Variants in ZNF490 observed in about 807,000 individuals in gnomAD.
ZNF490 encodes the protein zinc finger protein 490.
A neutral mutation model predicts 17.7 loss-of-function variants in ZNF490; 11 were observed. That is an observed-to-expected ratio of 0.62 (90% CI 0.39 to 1.03). ZNF490 has a LOEUF of 1.03. ZNF490 is among the 50% of genes least tolerant of loss of function. The probability of loss-of-function intolerance (pLI) is 0.00; values close to 1 mark genes in which losing one functional copy is unlikely to be tolerated. For missense variants in ZNF490, 542 were observed against 643.4 expected, an observed-to-expected ratio of 0.84 and a Z score of 1.71; for synonymous variants, 222 against 216.1, an observed-to-expected ratio of 1.03 and a Z score of -0.24.
At position 12,576,589 on chromosome 19, in the gene ZNF490, G is replaced by A. The variant is rs933460085; in HGVS notation, c.*3896C>T. ...CAGCACTTTGGGGAGACCGAGGTGG[G>A]TGGATCACAAGGTCAGGAGATTGAG... On this transcript the variant is annotated 3_prime_UTR_variant, in exon 5 of 5. Coordinates refer to ENST00000311437, the MANE Select transcript of ZNF490 (RefSeq NM_020714.3). 1.3e-5 allele frequency among the ~76,000 whole-genome samples: 2 copies of A among 151,648 alleles called. No individual in the cohort carries two copies. The highest frequency in any genetic ancestry group is 2.4e-5 in the African/African-American group (1 of 41,244).
At chr19:12,585,015 G>A (rs1421179704) in intron 2 of ZNF490, among the ~76,000 whole-genome samples, 1 of 93,794 alleles carries the variant, frequency 1.1e-5, no homozygotes, top group Non-Finnish European at 2.9e-5. Flanking sequence ...CTCAGGCAAA[G>A]CTGTGTAACT....
intron 2 of ZNF490, among the ~76,000 whole-genome samples, chr19:12,606,859 A>G (rs1165098713): frequency 2.0e-5 from 3 of 152,234 alleles, no homozygotes; most frequent in Non-Finnish European, 2.9e-5. Flanking sequence ...TAAAGAACAA[A>G]TAAAATCCCA....
chr19:12,590,934 A>AT (rs1555700629), intron 2 of ZNF490, among the ~76,000 whole-genome samples: 10 of 151,428 alleles, frequency 6.6e-5, no homozygotes, highest in African/African-American at 2.2e-4. Flanking sequence ...AAAAAAAAAA[A>AT]TTTTTTTTAA....
Position 12,576,799 on chromosome 19 carries a change from G to GT in ZNF490, c.*3685dup, listed in dbSNP as rs2022643719. Among the ~76,000 whole-genome samples, 1 of 122,102 alleles carries GT rather than the reference G, an allele frequency of 8.2e-6. No homozygotes were observed. The highest frequency in any genetic ancestry group is 1.6e-5 in the Non-Finnish European group (1 of 62,178). 80.1% of individuals were successfully genotyped at this position (122,102 alleles called of 152,430 possible). A position where few individuals can be genotyped will look rare whatever the true frequency, so the allele number is the denominator to read the frequency against. ...GCCACTGCACTCCAGCCTGGCAACA[G>GT]TGAGAATCCATCTCAAAAAAAAAAA... is the stretch of plus-strand genomic sequence containing the variant. On this transcript the variant is annotated 3_prime_UTR_variant, in exon 5 of 5. Coordinates refer to ENST00000311437, the MANE Select transcript of ZNF490 (RefSeq NM_020714.3).
chr19:12,610,070 A>G, intron 1 of ZNF490: 1 of 413,870 alleles, frequency 2.4e-6, no homozygotes, highest in South Asian at 1.8e-5. Context: ...ATTTCCTTCC[A>G]GAGTAAAACG....
chr19:12,588,560 GA>G (rs559858740), intron 2 of ZNF490, among the ~76,000 whole-genome samples: 86 of 152,254 alleles, frequency 5.6e-4, no homozygotes, highest in African/African-American at 2.0e-3. Context: ...TTAATTTAGA[GA>G]TCCAGCAGGC....
At chr19:12,609,829 A>C (rs2023122068) in intron 1 of ZNF490, 1 of 415,662 alleles carries the variant, frequency 2.4e-6, no homozygotes, top group Admixed American at 3.1e-5. Flanking sequence ...GGAGATGCCA[A>C]TAGGTTGGAC....
At chr19:12,605,316 T>C (rs990828312) in intron 2 of ZNF490, among the ~76,000 whole-genome samples, 16 of 152,004 alleles carry the variant, frequency 1.1e-4, no homozygotes, top group Non-Finnish European at 1.8e-4. Flanking sequence ...ACCCTAACTT[T>C]ACAAAAAATA....
rs2145135347 is a variant in ZNF490, at chr19:12,578,043, C to T, written c.*2442G>A. 1.0e-6 allele frequency: 1 copy of T among 985,394 alleles called. No homozygotes were observed. Among genetic ancestry groups the T allele is most frequent in the Middle Eastern group, 5.2e-4 (1 of 1,914 alleles). 61.0% of individuals were successfully genotyped at this position (985,394 alleles called of 1,614,324 possible). ...TAGTTCCATGGCTTGTGAACCCTGA[C>T]ACCAGCACCTCCCATACACAACAGA... On this transcript the variant is annotated 3_prime_UTR_variant, in exon 5 of 5. Transcript: ENST00000311437.
chr19:12,594,876 C>G (rs1377713055), intron 2 of ZNF490, among the ~76,000 whole-genome samples: 2 of 152,176 alleles, frequency 1.3e-5, no homozygotes, highest in African/African-American at 4.8e-5. Flanking sequence ...TTAGTGGGAT[C>G]TCCAGATATA....
At chr19:12,593,776 T>C (rs1436017981) in intron 2 of ZNF490, among the ~76,000 whole-genome samples, 1 of 152,112 alleles carries the variant, frequency 6.6e-6, no homozygotes. Context: ...GTCTACACAC[T>C]CGCCACTGCT....
intron 2 of ZNF490, among the ~76,000 whole-genome samples, chr19:12,603,805 G>T (rs2145165802): frequency 7.0e-6 from 1 of 143,046 alleles, no homozygotes; most frequent in African/African-American, 2.6e-5. Flanking sequence ...AAAAAAAAAT[G>T]GCCTTTTGTA....
At chr19:12,596,186 A>G (rs563004303) in intron 2 of ZNF490, among the ~76,000 whole-genome samples, 120 of 141,628 alleles carry the variant, frequency 8.5e-4, no homozygotes, top group Middle Eastern at 9.3e-3. Flanking sequence ...AGTTGCTTCA[A>G]CCTGGGAGGC....
chr19:12,578,551 A>C lies in ZNF490; in HGVS notation c.*1934T>G. Reference sequence around the variant, plus strand: ...GGAAATGGAGCTGGAGATGACCTCAAAACAGCCCTGGAATAATGCAATGCT... The same window carrying C: ...GGAAATGGAGCTGGAGATGACCTCACAACAGCCCTGGAATAATGCAATGCT... On this transcript the variant is annotated 3_prime_UTR_variant, in exon 5 of 5. Coordinates refer to ENST00000311437, the MANE Select transcript of ZNF490 (RefSeq NM_020714.3). The C allele has an allele frequency of 3.0e-6, 3 of 985,482 alleles. No homozygotes were observed. The allele number at this position is 985,482 out of a possible 1,614,324, so 61.0% of individuals were successfully genotyped here. A position where few individuals can be genotyped will look rare whatever the true frequency, so the allele number is the denominator to read the frequency against.
At chr19:12,606,343 C>CTTT (rs35743660) in intron 2 of ZNF490, among the ~76,000 whole-genome samples, 4 of 121,674 alleles carry the variant, frequency 3.3e-5, no homozygotes, top group Admixed American at 8.3e-5. Context: ...CTGGGTAATT[C>CTTT]TTTTTTTTTT....
intron 4 of ZNF490, 128 bp downstream of exon 4, chr19:12,582,722 C>T: frequency 2.3e-6 from 2 of 853,218 alleles, no homozygotes; most frequent in Non-Finnish European, 3.9e-6. Context: ...GAAACACCTT[C>T]AGTAAAAATT....
intron 2 of ZNF490, among the ~76,000 whole-genome samples, chr19:12,599,139 C>CAAAAAAAAATAGAAAAAAAAAAA (rs2022971343): frequency 1.5e-5 from 1 of 68,632 alleles, no homozygotes; most frequent in Non-Finnish European, 2.4e-5. Context: ...GACTCTGTCT[C>CAAAAAAAAATAGAAAAAAAAAAA]AAAAAAAAAA....
chr19:12,583,000 G>C (rs1475100013), intron 3 of ZNF490, 90 bp from the exon 4 acceptor site: 6 of 1,069,172 alleles, frequency 5.6e-6, no homozygotes, highest in Non-Finnish European at 8.3e-6. Flanking sequence ...CTATTGATTA[G>C]CTATGACACT....
intron 2 of ZNF490, among the ~76,000 whole-genome samples, chr19:12,583,811 A>ATTTTTTTTTT (rs879747918): frequency 1.3e-5 from 1 of 78,654 alleles, no homozygotes; most frequent in African/African-American, 5.1e-5. Context: ...ATATATATAT[A>ATTTTTTTTTT]TTTTTTTTTT....
Sources: allele counts gnomAD v4.1 joint callset (sites outside exome capture counted in the v4.1 genomes callset), GRCh38; gene constraint gnomAD v4.1.1; transcripts MANE v1.5; gene names NCBI Gene and HGNC (gene_info 2026-07-23, HGNC 2026-07-21).